The following GUCY2C variants were observed in gnomAD, a reference collection of about 807,000 sequenced individuals.
The protein encoded by GUCY2C is guanylyl cyclase C.
A neutral mutation model predicts 131.1 loss-of-function variants in GUCY2C; 118 were observed. The observed-to-expected ratio is 0.90, with a 90% CI of 0.78 to 1.05. The LOEUF (loss-of-function observed/expected upper bound fraction) is 1.05. Among genes scored for constraint, GUCY2C ranks in the 50% least tolerant of loss-of-function variants. GUCY2C has a pLI of 0.00. For missense variants in GUCY2C, 1,161 were observed against 1,304.4 expected, an observed-to-expected ratio of 0.89 and a Z score of 1.69; for synonymous variants, 452 against 457.8, an observed-to-expected ratio of 0.99 and a Z score of 0.16.
intron 4 of GUCY2C, among the ~76,000 whole-genome samples, chr12:14,682,292 G>A (rs988570712): frequency 2.0e-5 from 3 of 152,118 alleles, no homozygotes; most frequent in Non-Finnish European, 4.4e-5. Context: ...GAACCATGGG[G>A]GTGGTTTCCC....
rs2136982778 is a variant in GUCY2C at position 14,622,046 on chromosome 12, T to C, written c.2560A>G (p.Lys854Glu). The C allele has an allele frequency of 1.9e-6, 3 of 1,609,944 alleles. No individual in the cohort carries two copies. Among genetic ancestry groups the C allele is most frequent in the African/African-American group, 1.3e-5 (1 of 74,904 alleles). ...TGATCAACAATGTGGTCAAAACTCT[T>C]ATAGATGTCATTAAGCATGTCCACC... ...EVVDMLNDIY[K>E]SFDHIVDHHD... The change falls in exon 22 of 27, where the codon AAG becomes GAG. Residue 854 changes from lysine to glutamate, a missense_variant. By Grantham distance (56) the Lys-to-Glu change is moderately conservative (BLOSUM62 1). Coordinates refer to ENST00000261170, the MANE Select transcript of GUCY2C (RefSeq NM_004963.4).
In GUCY2C at chr12:14,628,754, C is replaced by T. The variant is rs1555158581; in HGVS notation, c.2158-17G>A. On this transcript the variant is annotated splice_polypyrimidine_tract_variant and intron_variant, in intron 19 of 26. Transcript: ENST00000261170. ...TAGGTACACCTGGAAGAAAAAAAAACGGGCAAATTAGCTAAGGGGATAGTA... is the reference window on the plus strand; with the variant it reads ...TAGGTACACCTGGAAGAAAAAAAAATGGGCAAATTAGCTAAGGGGATAGTA... 1.6e-5 allele frequency: 17 copies of T among 1,040,504 alleles called. No homozygotes were observed. The highest frequency in any genetic ancestry group is 9.1e-5 in the South Asian group (7 of 76,888). The allele number at this position is 1,040,504 out of a possible 1,614,324, so 64.5% of individuals were successfully genotyped here.
chr12:14,628,440 G>C (rs1161734180), intron 20 of GUCY2C, among the ~76,000 whole-genome samples: 1 of 152,110 alleles, frequency 6.6e-6, no homozygotes, highest in Non-Finnish European at 1.5e-5. Context: ...TTTTGACCTT[G>C]AGTATGTAAC....
chr12:14,645,661 C>T (rs1455056724), intron 15 of GUCY2C, among the ~76,000 whole-genome samples: 2 of 152,136 alleles, frequency 1.3e-5, no homozygotes, highest in Non-Finnish European at 2.9e-5. Flanking sequence ...TGTTTTAAAA[C>T]AGGCAATTGC....
At chr12:14,676,488 AC>A (rs1300771900) in intron 7 of GUCY2C, among the ~76,000 whole-genome samples, 1 of 152,142 alleles carries the variant, frequency 6.6e-6, no homozygotes, top group African/African-American at 2.4e-5. Flanking sequence ...CTTTCCAGTA[AC>A]CCTTGCTTTA....
At chr12:14,644,997 A>G (rs1327942632) in intron 16 of GUCY2C, among the ~76,000 whole-genome samples, 2 of 152,094 alleles carry the variant, frequency 1.3e-5, no homozygotes, top group Non-Finnish European at 2.9e-5. Context: ...AGAATATAAT[A>G]AAATAATAAT....
At chr12:14,695,666 C>G (rs1044437789) in intron 1 of GUCY2C, among the ~76,000 whole-genome samples, 7 of 151,590 alleles carry the variant, frequency 4.6e-5, no homozygotes, top group Non-Finnish European at 8.8e-5. Flanking sequence ...ATAAAAGGCC[C>G]AGAGAAAGAT....
chr12:14,631,007 G>A (rs1947130808), intron 19 of GUCY2C, among the ~76,000 whole-genome samples: 1 of 152,160 alleles, frequency 6.6e-6, no homozygotes, highest in African/African-American at 2.4e-5. Context: ...AGAAGGCAGG[G>A]CTAGGAGCAG....
At chr12:14,673,754 C>G (rs553157190) in intron 8 of GUCY2C, among the ~76,000 whole-genome samples, 24 of 152,232 alleles carry the variant, frequency 1.6e-4, no homozygotes, top group Middle Eastern at 6.8e-3. Context: ...AATGCTCAAC[C>G]GTGGTCATGG....
At chr12:14,684,836 A>AT (rs932088773) in intron 3 of GUCY2C, among the ~76,000 whole-genome samples, 1 of 151,478 alleles carries the variant, frequency 6.6e-6, no homozygotes, top group Non-Finnish European at 1.5e-5. Context: ...CACCTGGCTA[A>AT]TTTTTTTATT....
chr12:14,624,858 T>C (rs979706157), intron 21 of GUCY2C, among the ~76,000 whole-genome samples: 8 of 152,190 alleles, frequency 5.3e-5, no homozygotes, highest in Admixed American at 4.6e-4. Context: ...GTGACATTAA[T>C]GGTTAAAACC....
chr12:14,624,622 A>G (rs1234441809), intron 21 of GUCY2C, among the ~76,000 whole-genome samples: 1 of 152,176 alleles, frequency 6.6e-6, no homozygotes, highest in African/African-American at 2.4e-5. Flanking sequence ...TCTTCTAGTT[A>G]TTGCTCATGC....
At chr12:14,687,900 T>C (rs1948503309) in intron 2 of GUCY2C, 51 bp downstream of exon 2, 2 of 960,072 alleles carry the variant, frequency 2.1e-6, no homozygotes, top group African/African-American at 3.2e-5. Context: ...CACACTGGGA[T>C]TATCCTGTGC....
intron 19 of GUCY2C, among the ~76,000 whole-genome samples, chr12:14,631,905 T>C (rs1947154280): frequency 6.6e-6 from 1 of 150,676 alleles, no homozygotes; most frequent in East Asian, 1.9e-4. Context: ...GTTTCCTGAC[T>C]TTTTAATGAT....
chr12:14,638,156 C>T (rs1202767939), intron 19 of GUCY2C, among the ~76,000 whole-genome samples: 3 of 152,136 alleles, frequency 2.0e-5, no homozygotes, highest in Non-Finnish European at 2.9e-5. Flanking sequence ...CAAGTCAAAA[C>T]CACAATGAGC....
rs758050502 is a variant in GUCY2C at position 14,683,196 on chromosome 12, A to G, written c.457T>C (p.Tyr153His). 6.2e-7 allele frequency: 1 copy of G among 1,613,664 alleles called. No individual in the cohort carries two copies. The highest frequency in any genetic ancestry group is 8.5e-7 in the Non-Finnish European group (1 of 1,179,628). ...SAGSFGLSCD[Y>H]KETLTRLMSP... Reference sequence around the variant, plus strand: ...ATCAGCCTGGTTAAGGTTTCTTTATAGTCACATGACAATCCAAAACTTCCA... The same window carrying G: ...ATCAGCCTGGTTAAGGTTTCTTTATGGTCACATGACAATCCAAAACTTCCA... The change falls in exon 4 of 27, where the codon TAT (tyrosine) becomes CAT (histidine). Residue 153 changes from tyrosine to histidine, a missense_variant. Transcript: ENST00000261170.
At chr12:14,694,729 T>G (rs765706687) in intron 1 of GUCY2C, among the ~76,000 whole-genome samples, 8 of 152,350 alleles carry the variant, frequency 5.3e-5, no homozygotes, top group Non-Finnish European at 7.3e-5. Context: ...AAGTAACTTA[T>G]TATTCATATC....
intron 10 of GUCY2C, among the ~76,000 whole-genome samples, chr12:14,662,532 T>C (rs1341903182): frequency 6.6e-6 from 1 of 151,838 alleles, no homozygotes; most frequent in African/African-American, 2.4e-5. Context: ...AAAAATTATC[T>C]GGCCGTGGTG....
chr12:14,647,594 TC>T (rs1947548135), intron 15 of GUCY2C, among the ~76,000 whole-genome samples: 1 of 152,180 alleles, frequency 6.6e-6, no homozygotes, highest in Non-Finnish European at 1.5e-5. Context: ...AACTTAACAA[TC>T]AGCTCTGAGC....
Sources: allele counts gnomAD v4.1 joint callset (sites outside exome capture counted in the v4.1 genomes callset), GRCh38; gene constraint gnomAD v4.1.1; transcripts MANE v1.5; gene names NCBI Gene and HGNC (gene_info 2026-07-23, HGNC 2026-07-21).